The following ERICH1 variants were observed in gnomAD, a reference collection of about 807,000 sequenced individuals.
ERICH1 encodes the protein glutamate rich 1.
Under a neutral mutation model 39.6 loss-of-function variants are expected in ERICH1, and 56 were observed. That is an observed-to-expected ratio of 1.41 (90% CI 1.14 to 1.77). ERICH1 has a LOEUF of 1.77. ERICH1 is among the 40% of genes most tolerant of loss of function. The probability of loss-of-function intolerance (pLI) is 0.00; values close to 1 mark genes in which losing one functional copy is unlikely to be tolerated. For synonymous variants in ERICH1, 313 were observed against 223.6 expected (o/e 1.40, Z -3.57); for missense variants, 826 against 575.4 (o/e 1.44, Z -4.45).
chr8:635,782 T>C (rs1795222441), intron 3 of ERICH1, among the ~76,000 whole-genome samples: 1 of 152,174 alleles, frequency 6.6e-6, no homozygotes, highest in Admixed American at 6.5e-5. Context: ...TGTGTGTCCG[T>C]GAGTCTGTGG....
chr8:708,799 C>A (rs1027288126), intron 2 of ERICH1, among the ~76,000 whole-genome samples: 2 of 146,668 alleles, frequency 1.4e-5, no homozygotes, highest in African/African-American at 2.5e-5. Flanking sequence ...GCTCAAGTGA[C>A]CCTCCCACCT....
intron 3 of ERICH1, among the ~76,000 whole-genome samples, chr8:657,300 G>A (rs1360482609): frequency 6.6e-6 from 1 of 152,156 alleles, no homozygotes; most frequent in Non-Finnish European, 1.5e-5. Flanking sequence ...AGAGTTCCGG[G>A]AAGGGGAGCT....
At position 673,378 on chromosome 8, in the gene ERICH1, G is replaced by C. The variant is rs548948275; in HGVS notation, c.974C>G (p.Ala325Gly). Residue 325 changes from alanine (A) to glycine (G), a missense_variant, in exon 4 of 6, where the codon GCC (alanine) becomes GGC (glycine). Physicochemically the swap from Ala to Gly is moderately conservative, Grantham distance 60 (BLOSUM62 0). Coordinates refer to ENST00000262109, the MANE Select transcript of ERICH1 (RefSeq NM_207332.3). ...ADSGEEDGAD[A>G]SEEDDTITNE... ...GGTAATTGTATCATCTTCCTCGCTG[G>C]CGTCTGCACCGTCCTCCTCCCCGGA... is the stretch of plus-strand genomic sequence containing the variant. 6.2e-7 allele frequency: 1 copy of C among 1,614,146 alleles called. No homozygotes were observed. Among genetic ancestry groups the C allele is most frequent in the Non-Finnish European group, 8.5e-7 (1 of 1,180,022 alleles).
chr8:679,027 C>G (rs960668440), intron 3 of ERICH1, among the ~76,000 whole-genome samples: 1 of 150,784 alleles, frequency 6.6e-6, no homozygotes, highest in Non-Finnish European at 1.5e-5. Flanking sequence ...GCAAGTGACC[C>G]CTTACAGCTC....
Position 673,461 on chromosome 8 carries a change from GTCC to G in ERICH1, c.888_890del (p.Glu296del). On this transcript the variant is annotated inframe_deletion, in exon 4 of 6. Transcript: ENST00000262109. Reference sequence around the variant, plus strand: ...GGTCTTCCTCGCTGGCGTCCGCACCGTCCTCCTCCCTGGTGTCTTTACCGTCTT... The same window carrying G: ...GGTCTTCCTCGCTGGCGTCCGCACCGTCCTCCCTGGTGTCTTTACCGTCTT... 6.3e-7 allele frequency: 1 copy of G among 1,595,222 alleles called. No individual in the cohort carries two copies. Among genetic ancestry groups the G allele is most frequent in the Non-Finnish European group, 8.5e-7 (1 of 1,175,142 alleles).
chr8:686,388 C>T (rs918284395), intron 3 of ERICH1, among the ~76,000 whole-genome samples: 3 of 151,748 alleles, frequency 2.0e-5, no homozygotes, highest in South Asian at 2.1e-4. Context: ...CTATGTTTTA[C>T]GAAAATAAAT....
chr8:664,163 A>C, downstream of ERICH1: 1 of 840,062 alleles, frequency 1.2e-6, no homozygotes, highest in Non-Finnish European at 1.4e-6. Context: ...TGATTCACAA[A>C]GTAGAGAAGA....
At chr8:642,746 T>G (rs960790000) in intron 3 of ERICH1, among the ~76,000 whole-genome samples, 1 of 152,276 alleles carries the variant, frequency 6.6e-6, no homozygotes, top group South Asian at 2.1e-4. Flanking sequence ...GCTGGCCCTC[T>G]TCTTGTGGAG....
intron 2 of ERICH1, among the ~76,000 whole-genome samples, chr8:713,249 G>T (rs1029377300): frequency 3.9e-5 from 6 of 152,370 alleles, no homozygotes; most frequent in Admixed American, 6.5e-5. Context: ...AGTATGGGGG[G>T]TTAGGGCTTC....
intron 1 of ERICH1, among the ~76,000 whole-genome samples, chr8:728,459 G>A (rs901377520): frequency 1.3e-5 from 2 of 152,274 alleles, no homozygotes; most frequent in African/African-American, 2.4e-5. Context: ...CCCCTTCCTC[G>A]AGGAGCACGC....
chr8:677,957 C>G (rs1554504542), intron 3 of ERICH1, among the ~76,000 whole-genome samples: 1 of 152,142 alleles, frequency 6.6e-6, no homozygotes, highest in South Asian at 2.1e-4. Flanking sequence ...TCAGCTTCCC[C>G]TCCTAAGACT....
downstream of ERICH1, among the ~76,000 whole-genome samples, chr8:660,804 G>A (rs1260830666): frequency 6.6e-6 from 1 of 152,174 alleles, no homozygotes; most frequent in Non-Finnish European, 1.5e-5. Flanking sequence ...CAGCTTTCGA[G>A]CTGCTTCCAC....
chr8:627,059 C>T, intron 3 of ERICH1: 1 of 452,116 alleles, frequency 2.2e-6, no homozygotes, highest in Non-Finnish European at 4.5e-6. Flanking sequence ...GGCCAGGCTT[C>T]CGTGCTCTGG....
chr8:693,801 TG>T (rs1460147919), intron 2 of ERICH1, among the ~76,000 whole-genome samples: 1 of 152,124 alleles, frequency 6.6e-6, no homozygotes, highest in Admixed American at 6.5e-5. Flanking sequence ...ATCACCACCG[TG>T]GATGGCTACT....
chr8:731,099 G>C (rs1453540823), intron 1 of ERICH1, 41 bp downstream of exon 1: 1 of 1,443,536 alleles, frequency 6.9e-7, no homozygotes, highest in Admixed American at 2.6e-5. Context: ...CCGAGAGCCG[G>C]GTCTGGGGTC....
chr8:708,681 G>GTTTTTTGTTTTTTTGTTTTTTTTTTTTT, intron 2 of ERICH1, among the ~76,000 whole-genome samples: 1 of 65,816 alleles, frequency 1.5e-5, no homozygotes, highest in Non-Finnish European at 3.0e-5. Context: ...GGGATAATGA[G>GTTTTTTGTTTTTTTGTTTTTTTTTTTTT]TTTTTTTTTT....
intron 3 of ERICH1, among the ~76,000 whole-genome samples, chr8:624,683 G>A (rs1053008493): frequency 3.3e-5 from 5 of 151,920 alleles, no homozygotes; most frequent in Admixed American, 2.0e-4. Flanking sequence ...AGAGAGTAAA[G>A]GGGGAGGCGC....
intron 3 of ERICH1, among the ~76,000 whole-genome samples, chr8:642,545 T>C (rs185915704): frequency 1.7e-4 from 26 of 151,886 alleles, no homozygotes; most frequent in Non-Finnish European, 2.6e-4. Flanking sequence ...GGGGTTTCAC[T>C]GTGTTAGCCA....
At chr8:660,642 CAGA>C (rs1801291591), downstream of ERICH1, among the ~76,000 whole-genome samples, 1 of 152,202 alleles carries the variant, frequency 6.6e-6, no homozygotes, top group African/African-American at 2.4e-5. Flanking sequence ...ATTTGTTATG[CAGA>C]AGAAGAAAAT....
Sources: allele counts gnomAD v4.1 joint callset (sites outside exome capture counted in the v4.1 genomes callset), GRCh38; gene constraint gnomAD v4.1.1; transcripts MANE v1.5; gene names NCBI Gene and HGNC (gene_info 2026-07-23, HGNC 2026-07-21).